The following ZDHHC13 variants were observed in gnomAD, a reference collection of about 807,000 sequenced individuals.
ZDHHC13 encodes the protein zDHHC palmitoyltransferase 13.
In ZDHHC13, 85 loss-of-function variants were observed where a neutral mutation model predicts 86.0. The observed-to-expected ratio is 0.99, with a 90% confidence interval of 0.83 to 1.18. ZDHHC13 has a LOEUF of 1.18. ZDHHC13 is among the 50% of genes most tolerant of loss of function. The pLI is 0.00. For synonymous variants in ZDHHC13, 263 were observed against 246.4 expected (o/e 1.07, Z -0.63); for missense variants, 711 against 730.2 (o/e 0.97, Z 0.30).
chr11:19,159,177 A>T (rs931123253), intron 10 of ZDHHC13, 137 bp downstream of exon 10: 3 of 587,726 alleles, frequency 5.1e-6, no homozygotes, highest in Non-Finnish European at 8.7e-6. Context: ...TTCTGGATGA[A>T]GACGTTTAAT....
intron 1 of ZDHHC13, among the ~76,000 whole-genome samples, chr11:19,130,082 C>T (rs1349874646): frequency 1.3e-5 from 2 of 151,166 alleles, no homozygotes; most frequent in Non-Finnish European, 2.9e-5. Flanking sequence ...AGTGAGACTC[C>T]GTCTTAAAAA....
intron 1 of ZDHHC13, among the ~76,000 whole-genome samples, chr11:19,138,736 C>A (rs963261037): frequency 2.6e-5 from 4 of 151,864 alleles, no homozygotes; most frequent in Admixed American, 1.3e-4. Context: ...GGCTTCATAC[C>A]TGGGATGCAA....
chr11:19,126,502 ATTTTT>A (rs754405966), intron 1 of ZDHHC13, among the ~76,000 whole-genome samples: 3 of 95,122 alleles, frequency 3.2e-5, no homozygotes, highest in African/African-American at 1.5e-4. Flanking sequence ...ACCCTGGCTA[ATTTTT>A]TTTTTTTTTT....
chr11:19,124,171 G>C (rs533477000), intron 1 of ZDHHC13, among the ~76,000 whole-genome samples: 2 of 152,040 alleles, frequency 1.3e-5, no homozygotes, highest in East Asian at 3.9e-4. Context: ...TGGAACAATA[G>C]TGAAATATTA....
intron 1 of ZDHHC13, among the ~76,000 whole-genome samples, chr11:19,137,130 TAA>T (rs1265099140): frequency 1.3e-5 from 2 of 152,104 alleles, no homozygotes; most frequent in African/African-American, 2.4e-5. Context: ...GCAAATTGGA[TAA>T]AGAGTCCAGA....
chr11:19,142,853 C>T, intron 1 of ZDHHC13, 125 bp from the exon 2 acceptor site: 1 of 1,101,492 alleles, frequency 9.1e-7, no homozygotes. Context: ...TCAGGATACA[C>T]TTCTAAAACT....
intron 10 of ZDHHC13, among the ~76,000 whole-genome samples, chr11:19,160,726 C>T (rs977711609): frequency 6.6e-6 from 1 of 151,930 alleles, no homozygotes; most frequent in South Asian, 2.1e-4. Context: ...CAGGACTCGG[C>T]CAACACTAAG....
chr11:19,126,485 TA>T (rs1182200662), intron 1 of ZDHHC13, among the ~76,000 whole-genome samples: 3 of 147,244 alleles, frequency 2.0e-5, no homozygotes, highest in African/African-American at 7.5e-5. Flanking sequence ...TATAGGCACA[TA>T]CCACCACCCT....
chr11:19,147,580 T>C lies in ZDHHC13; in HGVS notation c.297-16T>C, dbSNP rs764413353. On this transcript the variant is annotated splice_polypyrimidine_tract_variant and intron_variant, in intron 3 of 16. Coordinates refer to ENST00000446113, the MANE Select transcript of ZDHHC13 (RefSeq NM_019028.3). ...AAGTTTCAAATCTTACTTTCATTTG[T>C]GTCTGCTTTTAACAGGTTTTATATT... 2 of 1,575,120 alleles carry C rather than the reference T, an allele frequency of 1.3e-6. No individual in the cohort carries two copies. Among genetic ancestry groups the C allele is most frequent in the Non-Finnish European group, 8.6e-7 (1 of 1,158,930 alleles).
chr11:19,134,285 C>T (rs1849073907), intron 1 of ZDHHC13, among the ~76,000 whole-genome samples: 1 of 152,056 alleles, frequency 6.6e-6, no homozygotes, highest in African/African-American at 2.4e-5. Flanking sequence ...CGCTTGAGGC[C>T]AGGAGTTCAA....
At chr11:19,154,479 A>T (rs72904124) in intron 8 of ZDHHC13, among the ~76,000 whole-genome samples, 1 of 152,328 alleles carries the variant, frequency 6.6e-6, no homozygotes, top group Non-Finnish European at 1.5e-5. Context: ...ACTCCTAGAT[A>T]TGGCGTAGAG....
rs572809770 is a variant in ZDHHC13, at chr11:19,139,667, C to G, written c.28-3311C>G. Among the ~76,000 whole-genome samples the G allele has an allele frequency of 9.6e-4, 145 of 151,726 alleles. 1 individual carries two copies. The highest frequency in any genetic ancestry group is 3.4e-3 in the African/African-American group (142 of 41,314). On this transcript the variant is annotated intron_variant, in intron 1 of 16. Coordinates refer to ENST00000446113, the MANE Select transcript of ZDHHC13 (RefSeq NM_019028.3). ...TCACACTGCCTGACTTCAAACAATA[C>G]TACAAGGCTACAGTAACCAAAACAG...
intron 1 of ZDHHC13, among the ~76,000 whole-genome samples, chr11:19,121,367 A>G (rs2133355035): frequency 6.6e-6 from 1 of 152,314 alleles, no homozygotes; most frequent in African/African-American, 2.4e-5. Flanking sequence ...GGAAGGGAGT[A>G]TATCCCTAAC....
At chr11:19,145,314 C>T (rs899230214) in intron 2 of ZDHHC13, among the ~76,000 whole-genome samples, 1 of 152,180 alleles carries the variant, frequency 6.6e-6, no homozygotes, top group Non-Finnish European at 1.5e-5. Context: ...CATTGTCTCT[C>T]ACCTGTATTT....
At chr11:19,135,686 G>A (rs1400229942) in intron 1 of ZDHHC13, among the ~76,000 whole-genome samples, 1 of 152,220 alleles carries the variant, frequency 6.6e-6, no homozygotes, top group Non-Finnish European at 1.5e-5. Context: ...TGACAGCTTT[G>A]AAGAGAGCAG....
At chr11:19,146,491 T>C (rs1034835616) in intron 3 of ZDHHC13, among the ~76,000 whole-genome samples, 188 bp downstream of exon 3, 10 of 152,142 alleles carry the variant, frequency 6.6e-5, no homozygotes, top group African/African-American at 2.4e-4. Context: ...GCCTGGTTGA[T>C]CCAAAAGGGA....
In ZDHHC13 at chr11:19,146,061, A is replaced by G. The variant is rs1210802587; in HGVS notation, c.174-120A>G. On this transcript the variant is annotated intron_variant, in intron 2 of 16. Coordinates refer to ENST00000446113, the MANE Select transcript of ZDHHC13 (RefSeq NM_019028.3). ...TCTATGCATGTCTTTGTTAATTATT[A>G]TATTTCTGTATTGACTGAAAGGCAG... The G allele has an allele frequency of 4.8e-6, 5 of 1,032,404 alleles. No individual in the cohort carries two copies. In the East Asian group the frequency reaches 1.0e-4, roughly 22 times the overall value. 64.0% of individuals were successfully genotyped at this position (1,032,404 alleles called of 1,614,324 possible).
chr11:19,156,415 T>C (rs1398610980), intron 9 of ZDHHC13, among the ~76,000 whole-genome samples: 1 of 152,170 alleles, frequency 6.6e-6, no homozygotes, highest in South Asian at 2.1e-4. Flanking sequence ...TTATACATGA[T>C]TATATATAGT....
intron 9 of ZDHHC13, among the ~76,000 whole-genome samples, chr11:19,157,261 T>G (rs1849782331): frequency 1.3e-5 from 2 of 152,202 alleles, no homozygotes; most frequent in African/African-American, 4.8e-5. Flanking sequence ...CTGTTAAACA[T>G]TTTCATTCAC....
Sources: allele counts gnomAD v4.1 joint callset (sites outside exome capture counted in the v4.1 genomes callset), GRCh38; gene constraint gnomAD v4.1.1; transcripts MANE v1.5; gene names NCBI Gene and HGNC (gene_info 2026-07-23, HGNC 2026-07-21).